The following MYO18A variants were observed in gnomAD, a reference collection of about 807,000 sequenced individuals.
MYO18A encodes the protein unconventional myosin-XVIIIa.
MYO18A carries 78 observed loss-of-function variants against 235.8 expected under a neutral mutation model. The observed-to-expected ratio is 0.33, with a 90% CI of 0.28 to 0.40. MYO18A has a LOEUF of 0.40. Ranked by LOEUF, MYO18A falls within the 10% of genes least tolerant of loss-of-function variation. The pLI is 1.00. For missense variants in MYO18A, 2,215 were observed against 2,699.3 expected (o/e 0.82, Z 3.98); for synonymous variants, 977 against 1,077.8 (o/e 0.91, Z 1.83).
Position 29,111,797 on chromosome 17 carries a change from C to T in MYO18A, c.2665G>A (p.Val889Met). ...LLWLLEEEAL[V>M]PGASEDTLLE... Reference sequence around the variant, plus strand: ...AGGGTGTCCTCACTGGCCCCTGGCACCAGAGCCTCCTCTTCCAATAGCCAG... The same window carrying T: ...AGGGTGTCCTCACTGGCCCCTGGCATCAGAGCCTCCTCTTCCAATAGCCAG... Residue 889 changes from valine (V) to methionine (M), a missense_variant, in exon 16 of 42, where the codon GTG (valine) becomes ATG (methionine). Physicochemically the swap from Val to Met is conservative, Grantham distance 21 (BLOSUM62 1). Coordinates refer to ENST00000527372, the MANE Select transcript of MYO18A (RefSeq NM_078471.4). The surrounding 1 kb of genome is among the most constrained non-coding windows in gnomAD (Gnocchi z 5.1). 6.2e-7 allele frequency: 1 copy of T among 1,613,782 alleles called. No individual in the cohort carries two copies. Among genetic ancestry groups the T allele is most frequent in the Admixed American group, 1.7e-5 (1 of 60,018 alleles).
At chr17:29,144,701 T>A (rs1351510818) in intron 2 of MYO18A, among the ~76,000 whole-genome samples, 1 of 152,226 alleles carries the variant, frequency 6.6e-6, no homozygotes, top group African/African-American at 2.4e-5. Flanking sequence ...ATTATTAATA[T>A]CATTATTATC....
chr17:29,080,397 G>A (rs2066090101), intron 41 of MYO18A: 2 of 985,996 alleles, frequency 2.0e-6, no homozygotes, highest in Non-Finnish European at 2.4e-6. Context: ...CCAGCGACGG[G>A]TGGCTGTACT....
At chr17:29,092,541 G>A in intron 33 of MYO18A, 85 bp from the exon 34 acceptor site, 1 of 1,121,006 alleles carries the variant, frequency 8.9e-7, no homozygotes, top group Non-Finnish European at 1.3e-6. Flanking sequence ...AGGGAGCTCG[G>A]ATGCCCTCCT....
At chr17:29,167,700 CAA>C (rs748643802) in intron 1 of MYO18A, among the ~76,000 whole-genome samples, 26 of 119,160 alleles carry the variant, frequency 2.2e-4, no homozygotes, top group East Asian at 5.1e-4. Flanking sequence ...GACCCTGTCT[CAA>C]AAAAAAAAAA....
chr17:29,124,561 C>T (rs191423158), intron 2 of MYO18A: 132 of 1,030,428 alleles, frequency 1.3e-4, no homozygotes, highest in Admixed American at 6.2e-4. Flanking sequence ...GCAGGAGGCC[C>T]GAGCACAGAC....
In MYO18A at chr17:29,073,591, CA is replaced by C; in HGVS notation, c.*1178del. 2.3e-6 allele frequency: 1 copy of C among 433,578 alleles called. No individual in the cohort carries two copies. Among genetic ancestry groups the C allele is most frequent in the South Asian group, 4.7e-5 (1 of 21,284 alleles). The allele number at this position is 433,578 out of a possible 1,614,324, so 26.9% of individuals were successfully genotyped here. A position where few individuals can be genotyped will look rare whatever the true frequency, so the allele number is the denominator to read the frequency against. On this transcript the variant is annotated 3_prime_UTR_variant, in exon 42 of 42. Transcript: ENST00000527372. ...AGAGCACAGCCCAGTGAGTACAAACCAATTGCAGGAGAGAAGGGGGGCGGCA... is the reference window on the plus strand; with the variant it reads ...AGAGCACAGCCCAGTGAGTACAAACCATTGCAGGAGAGAAGGGGGGCGGCA...
At chr17:29,128,950 G>T in intron 2 of MYO18A, 1 of 952,448 alleles carries the variant, frequency 1.0e-6, no homozygotes, top group Non-Finnish European at 1.5e-6. Context: ...ACACAGCAGA[G>T]ATGGAGCATG....
Position 29,073,356 on chromosome 17 carries a change from G to A in MYO18A, c.*1414C>T, listed in dbSNP as rs1376842555. The A allele has an allele frequency of 1.3e-5, 2 of 153,580 alleles. No individual in the cohort carries two copies. Among genetic ancestry groups the A allele is most frequent in the Non-Finnish European group, 2.9e-5 (2 of 68,972 alleles). 9.5% of individuals were successfully genotyped at this position (153,580 alleles called of 1,614,324 possible). On this transcript the variant is annotated 3_prime_UTR_variant, in exon 42 of 42. Transcript: ENST00000527372. ...ACCTCTGCCTGCCCCAAAATGAGCT[G>A]CCTAGGCTCTTTAAGTGGCACTGGT...
chr17:29,094,726 C>G lies in MYO18A; in HGVS notation c.4634G>C (p.Arg1545Pro). The change falls in exon 30 of 42, where the codon CGG (arginine) becomes CCG (proline). Residue 1545 changes from arginine (R) to proline (P), a missense_variant. By Grantham distance (103) the Arg-to-Pro change is moderately radical. Transcript: ENST00000527372. ...ATCCTTGACTTTGGCCTCCAGGTCC[C>G]GGAGCTGTTTCTTGACCTTGGCCAG... ...ASLAKVKKQL[R>P]DLEAKVKDQE... The G allele has an allele frequency of 1.2e-6, 2 of 1,614,012 alleles. No homozygotes were observed. Among genetic ancestry groups the G allele is most frequent in the Non-Finnish European group, 1.7e-6 (2 of 1,179,886 alleles).
In MYO18A at chr17:29,086,999, G is replaced by C; in HGVS notation, c.5649C>G (p.Thr1883=). The C allele has an allele frequency of 6.2e-7, 1 of 1,613,988 alleles. No homozygotes were observed. Among genetic ancestry groups the C allele is most frequent in the Non-Finnish European group, 8.5e-7 (1 of 1,179,880 alleles). Residue 1883 remains threonine (T), a synonymous_variant, in exon 38 of 42, where the codon ACC becomes ACG. Transcript: ENST00000527372. The part of the protein sequence containing the change: ...NKRLQRQLRD[T]KEEMGELARK... ...TGGCAAGCTCGCCCATCTCCTCCTT[G>C]GTGTCCCGGAGCTGCCTCTGTAGCC...
intron 2 of MYO18A, among the ~76,000 whole-genome samples, chr17:29,139,009 C>T (rs1193109068): frequency 6.6e-6 from 1 of 152,206 alleles, no homozygotes; most frequent in Admixed American, 6.5e-5. Flanking sequence ...GAACTGAAGG[C>T]CATGCTGCCA....
intron 41 of MYO18A, chr17:29,079,817 G>A (rs1401719382): frequency 2.0e-6 from 2 of 985,928 alleles, no homozygotes; most frequent in Non-Finnish European, 2.4e-6. Flanking sequence ...CTCGACGGCC[G>A]GTGCGTCTGC....
At chr17:29,094,210 C>T in intron 30 of MYO18A, 120 bp from the exon 31 acceptor site, 1 of 703,994 alleles carries the variant, frequency 1.4e-6, no homozygotes. Flanking sequence ...GTTCCCTTTG[C>T]TGGCACCTTG....
chr17:29,132,042 T>C (rs1340718097), intron 2 of MYO18A, among the ~76,000 whole-genome samples: 3 of 152,166 alleles, frequency 2.0e-5, no homozygotes, highest in Non-Finnish European at 4.4e-5. Context: ...GGAGGCCAGA[T>C]ATTTTCTCAA....
In MYO18A at chr17:29,086,589, G is replaced by A. The variant is rs1045554181; in HGVS notation, c.5713-12C>T. The A allele has an allele frequency of 1.2e-6, 2 of 1,611,804 alleles. No homozygotes were observed. The highest frequency in any genetic ancestry group is 1.3e-5 in the African/African-American group (1 of 74,876). ...TCTAGATCCATCTCCTAGGAGGAAG[G>A]GGGCAGCCCAGTTTGCAGGAGGGCT... On this transcript the variant is annotated splice_polypyrimidine_tract_variant and intron_variant, in intron 38 of 41. Transcript: ENST00000527372.
At chr17:29,081,806 A>G (rs2066130904) in intron 41 of MYO18A, among the ~76,000 whole-genome samples, 1 of 152,148 alleles carries the variant, frequency 6.6e-6, no homozygotes, top group Non-Finnish European at 1.5e-5. Context: ...GATGGGTATT[A>G]GGAGGAAAGA....
rs568222348 is a variant in MYO18A, at chr17:29,122,184, T to C, written c.1069A>G (p.Arg357Gly). 4.3e-6 allele frequency: 7 copies of C among 1,612,930 alleles called. No individual in the cohort carries two copies. In the African/African-American group the frequency reaches 9.3e-5, roughly 21 times the overall value. Residue 357 changes from arginine to glycine, a missense_variant, in exon 3 of 42, where the codon AGG (arginine) becomes GGG (glycine). Arg to Gly is a moderately radical substitution (Grantham distance 125). Coordinates refer to ENST00000527372, the MANE Select transcript of MYO18A (RefSeq NM_078471.4). The part of the protein sequence containing the change: ...NETEKVWLVH[R>G]DGFSLASQLK... ...GACTCACCCAGTGAGAAGCCGTCCC[T>C]ATGGACCAGCCACACCTTCTCCGTC...
In MYO18A at chr17:29,140,413, T is replaced by C; in HGVS notation, c.1000-18160A>G. 7.8e-7 allele frequency: 1 copy of C among 1,281,698 alleles called. No individual in the cohort carries two copies. Among genetic ancestry groups the C allele is most frequent in the Non-Finnish European group, 1.0e-6 (1 of 985,152 alleles). 79.4% of individuals were successfully genotyped at this position (1,281,698 alleles called of 1,614,324 possible). A position where few individuals can be genotyped will look rare whatever the true frequency, so the allele number is the denominator to read the frequency against. On this transcript the variant is annotated intron_variant, in intron 2 of 41. Coordinates refer to ENST00000527372, the MANE Select transcript of MYO18A (RefSeq NM_078471.4). This position sits in a 1 kb window ranked among gnomAD's most constrained non-coding sequence, Gnocchi z 4.2. ...ATGCTGCTCTGGCTCCGTTAGCAGCTCAAAATAGCACAGGCTGTGGCCCCG... is the reference window on the plus strand; with the variant it reads ...ATGCTGCTCTGGCTCCGTTAGCAGCCCAAAATAGCACAGGCTGTGGCCCCG...
chr17:29,170,287 C>T (rs1415311870), intron 1 of MYO18A, among the ~76,000 whole-genome samples: 2 of 152,194 alleles, frequency 1.3e-5, no homozygotes, highest in Non-Finnish European at 2.9e-5. Context: ...CTTCACAGCT[C>T]ACAAGGCACC....
Sources: gnomAD v4.1 joint callset for allele counts (sites outside exome capture counted in the v4.1 genomes callset) on GRCh38, gnomAD v4.1.1 for gene constraint, Gnocchi (gnomAD v3.1) non-coding constraint, MANE v1.5 for transcripts, NCBI Gene and HGNC (gene_info 2026-07-23, HGNC 2026-07-21) for gene names.